INO80C: variants seen among roughly 807,000 people sequenced by gnomAD.
INO80C encodes INO80 complex subunit C.
Under a neutral mutation model 17.7 loss-of-function variants are expected in INO80C, and 17 were observed. That is an observed-to-expected ratio of 0.96 (90% CI 0.66 to 1.44). INO80C has a LOEUF of 1.44. Among genes scored for constraint, INO80C ranks in the 40% most tolerant of loss-of-function variants. The pLI, the probability that INO80C is intolerant of heterozygous loss-of-function variation, is 0.00. For missense variants in INO80C, 244 were observed against 245.0 expected (o/e 1.00, Z 0.03); for synonymous variants, 96 against 95.8 (o/e 1.00, Z -0.01).
chr18:35,485,808 T>C (rs1249015708), intron 1 of INO80C, among the ~76,000 whole-genome samples: 1 of 152,158 alleles, frequency 6.6e-6, no homozygotes, highest in Non-Finnish European at 1.5e-5. Flanking sequence ...ACAACCTAAA[T>C]GTCCATCAGC....
intron 4 of INO80C, among the ~76,000 whole-genome samples, chr18:35,470,986 C>T (rs1317710218): frequency 1.1e-4 from 17 of 152,188 alleles, no homozygotes; most frequent in Admixed American, 7.9e-4. Context: ...ACGGCTTGCC[C>T]GTCTCACCCA....
chr18:35,487,101 C>A (rs1222901906), intron 1 of INO80C, among the ~76,000 whole-genome samples: 1 of 152,178 alleles, frequency 6.6e-6, no homozygotes, highest in Non-Finnish European at 1.5e-5. Context: ...CAGATACCAC[C>A]TTACTAAGTG....
chr18:35,473,572 A>G (rs1303994849), intron 4 of INO80C, among the ~76,000 whole-genome samples: 1 of 152,170 alleles, frequency 6.6e-6, no homozygotes, highest in African/African-American at 2.4e-5. Flanking sequence ...TGTTCAAGGC[A>G]AGACTATATA....
intron 4 of INO80C, among the ~76,000 whole-genome samples, chr18:35,473,100 A>G (rs1239902286): frequency 6.6e-6 from 1 of 152,220 alleles, no homozygotes; most frequent in Non-Finnish European, 1.5e-5. Context: ...AGCTGCCTGA[A>G]ACAATAAGGA....
At chr18:35,482,888 C>T (rs1044851859) in intron 1 of INO80C, among the ~76,000 whole-genome samples, 1 of 152,188 alleles carries the variant, frequency 6.6e-6, no homozygotes, top group African/African-American at 2.4e-5. Flanking sequence ...TACAGCTCAG[C>T]CAGTGACATA....
intron 2 of INO80C, among the ~76,000 whole-genome samples, chr18:35,479,989 T>TA (rs201295575): frequency 8.6e-5 from 13 of 151,280 alleles, no homozygotes; most frequent in East Asian, 1.9e-4. Context: ...ACTAATTCAT[T>TA]AAAAAAAAAT....
At chr18:35,490,574 G>A (rs2045923799) in intron 1 of INO80C, among the ~76,000 whole-genome samples, 1 of 123,258 alleles carries the variant, frequency 8.1e-6, no homozygotes, top group African/African-American at 3.3e-5. Flanking sequence ...AAACCAATCT[G>A]AACTGTTAAA....
At chr18:35,496,554 AGTTTT>A (rs369834850) in intron 1 of INO80C, among the ~76,000 whole-genome samples, 40 of 152,096 alleles carry the variant, frequency 2.6e-4, no homozygotes, top group African/African-American at 2.4e-4. Context: ...CTGGATCTGT[AGTTTT>A]GTTTTGTTTT....
intron 1 of INO80C, among the ~76,000 whole-genome samples, chr18:35,484,824 T>C (rs1457328633): frequency 6.6e-6 from 1 of 152,186 alleles, no homozygotes; most frequent in Non-Finnish European, 1.5e-5. Context: ...CATGAAGAAA[T>C]GGCTGACTCT....
At chr18:35,479,722 G>A (rs2045782844) in intron 2 of INO80C, among the ~76,000 whole-genome samples, 1 of 151,752 alleles carries the variant, frequency 6.6e-6, no homozygotes, top group Non-Finnish European at 1.5e-5. Flanking sequence ...ATTCATTCAT[G>A]AATTTCTTCA....
At chr18:35,472,792 G>A (rs1170903483) in intron 4 of INO80C, among the ~76,000 whole-genome samples, 4 of 152,126 alleles carry the variant, frequency 2.6e-5, no homozygotes, top group South Asian at 2.1e-4. Context: ...TTTCTTCCCT[G>A]TTTGATGAGT....
chr18:35,495,906 G>A (rs897303605), intron 1 of INO80C, among the ~76,000 whole-genome samples: 8 of 152,136 alleles, frequency 5.3e-5, no homozygotes, highest in African/African-American at 1.9e-4. Context: ...CATGAAAAGT[G>A]ATTGATATCA....
Position 35,468,455 on chromosome 18 carries a change from A to G in INO80C, c.*156T>C. ...TGGAGGGAAAACACACACTAAAAAA[A>G]AAAAAAACCCTTAAATTAAAGCCAA... On this transcript the variant is annotated 3_prime_UTR_variant, in exon 5 of 5. Transcript: ENST00000334598. The G allele has an allele frequency of 6.8e-7, 1 of 1,470,576 alleles. No individual in the cohort carries two copies. The highest frequency in any genetic ancestry group is 9.0e-7 in the Non-Finnish European group (1 of 1,115,224). The allele number at this position is 1,470,576 out of a possible 1,614,324, so 91.1% of individuals were successfully genotyped here. A position where few individuals can be genotyped will look rare whatever the true frequency, so the allele number is the denominator to read the frequency against.
intron 4 of INO80C, among the ~76,000 whole-genome samples, chr18:35,475,114 T>C (rs2144035647): frequency 7.1e-6 from 1 of 141,352 alleles, no homozygotes; most frequent in East Asian, 2.4e-4. Context: ...AGAAAAATAA[T>C]ACCCTGAGTC....
chr18:35,470,359 C>T (rs1427474947), intron 4 of INO80C, among the ~76,000 whole-genome samples: 1 of 118,462 alleles, frequency 8.4e-6, no homozygotes, highest in Non-Finnish European at 1.8e-5. Flanking sequence ...CTATATAAAA[C>T]TTCGATCCCT....
intron 4 of INO80C, among the ~76,000 whole-genome samples, chr18:35,477,376 C>A (rs548694434): frequency 6.6e-6 from 1 of 152,184 alleles, no homozygotes; most frequent in Non-Finnish European, 1.5e-5. Context: ...AGGGATATTA[C>A]ATAATAATAA....
chr18:35,473,477 A>C (rs2045694995), intron 4 of INO80C, among the ~76,000 whole-genome samples: 1 of 152,188 alleles, frequency 6.6e-6, no homozygotes, highest in African/African-American at 2.4e-5. Flanking sequence ...AAAGCTGAGT[A>C]ACAGAAGAGG....
At position 35,468,655 on chromosome 18, in the gene INO80C, T is replaced by TGACGAC; in HGVS notation, c.529_534dup (p.Val177_Val178dup). ...GCCTTCCTCAGGGCCAGGTAGCCGG[T>TGACGAC]GACGACGTCAGAGGGCAGCCTCCGA... On this transcript the variant is annotated inframe_insertion, in exon 5 of 5. Transcript: ENST00000334598. The TGACGAC allele has an allele frequency of 6.2e-7, 1 of 1,614,074 alleles. No individual in the cohort carries two copies. Among genetic ancestry groups the TGACGAC allele is most frequent in the Non-Finnish European group, 8.5e-7 (1 of 1,180,006 alleles).
intron 1 of INO80C, among the ~76,000 whole-genome samples, chr18:35,490,529 C>T (rs550516054): frequency 6.6e-6 from 1 of 152,172 alleles, no homozygotes; most frequent in East Asian, 1.9e-4. Flanking sequence ...AAGAATATGA[C>T]TACTGATATA....
Sources: allele counts gnomAD v4.1 joint callset (sites outside exome capture counted in the v4.1 genomes callset), GRCh38; gene constraint gnomAD v4.1.1; transcripts MANE v1.5; gene names NCBI Gene and HGNC (gene_info 2026-07-23, HGNC 2026-07-21).